LARP4B: variants seen among roughly 807,000 people sequenced by gnomAD.
LARP4B encodes La ribonucleoprotein 4B.
Under a neutral mutation model 89.8 loss-of-function variants are expected in LARP4B, and 12 were observed. The ratio of observed to expected loss-of-function variants is 0.13; its 90% CI spans 0.09 to 0.22. LARP4B has a LOEUF of 0.22. Among genes scored for constraint, LARP4B ranks in the 10% least tolerant of loss-of-function variants. The pLI is 1.00. For synonymous variants in LARP4B, 367 were observed against 363.3 expected, an observed-to-expected ratio of 1.01 and a Z score of -0.12; for missense variants, 757 against 947.7, an observed-to-expected ratio of 0.80 and a Z score of 2.64.
the LARP4B span, among the ~76,000 whole-genome samples, chr10:960,273 T>C: frequency 1.3e-5 from 2 of 152,176 alleles, no homozygotes; most frequent in East Asian, 3.9e-4. Context: ...AGAGGATTAC[T>C]AGGCCAGTAA....
At chr10:928,748 T>G (rs1837222748) in intron 1 of LARP4B, among the ~76,000 whole-genome samples, 1 of 152,120 alleles carries the variant, frequency 6.6e-6, no homozygotes, top group Non-Finnish European at 1.5e-5. Context: ...GCCTGGCTAA[T>G]TTTTTGATTT....
chr10:847,190 G>C (rs527276938), intron 5 of LARP4B, among the ~76,000 whole-genome samples: 1 of 152,140 alleles, frequency 6.6e-6, no homozygotes, highest in Non-Finnish European at 1.5e-5. Flanking sequence ...TGGGCTGCCC[G>C]GGGTGGCTTC....
chr10:842,869 T>C (rs758276995), intron 7 of LARP4B, 63 bp downstream of exon 7: 12 of 1,485,668 alleles, frequency 8.1e-6, no homozygotes, highest in Non-Finnish European at 1.1e-5. Context: ...ATTTAAAGGT[T>C]CATGCTGATA....
the LARP4B span, among the ~76,000 whole-genome samples, chr10:948,677 C>T: frequency 6.6e-6 from 1 of 152,260 alleles, no homozygotes; most frequent in African/African-American, 2.4e-5. Flanking sequence ...ATCCCTGCCT[C>T]CTTCTCAGCC....
intron 5 of LARP4B, among the ~76,000 whole-genome samples, chr10:859,214 C>T (rs1048320821): frequency 2.7e-5 from 4 of 149,710 alleles, no homozygotes; most frequent in Admixed American, 6.7e-5. Context: ...GGGAGGTGGA[C>T]GTTGTAGTGA....
At chr10:970,028 G>A in the LARP4B span, among the ~76,000 whole-genome samples, 2 of 152,184 alleles carry the variant, frequency 1.3e-5, no homozygotes, top group Non-Finnish European at 2.9e-5. Flanking sequence ...CACAACTCCG[G>A]TGACCTCTTT....
rs1015706867 is a variant in LARP4B at position 882,119 on chromosome 10, T to A, written c.141+2328A>T. On this transcript the variant is annotated intron_variant, in intron 3 of 17. Coordinates refer to ENST00000316157, the MANE Select transcript of LARP4B (RefSeq NM_015155.3). The stretch of plus-strand genomic sequence containing the variant: ...AGTGGGCCTGGGGGTGGGCTGGGGG[T>A]TTAATGGGGTAATGTAAAAGTTCTA... 4.6e-5 allele frequency among the ~76,000 whole-genome samples: 7 copies of A among 151,730 alleles called. 1 individual carries two copies. Among genetic ancestry groups the A allele is most frequent in the Admixed American group, 4.6e-4 (7 of 15,220 alleles).
At chr10:953,689 C>G in the LARP4B span, among the ~76,000 whole-genome samples, 1 of 152,214 alleles carries the variant, frequency 6.6e-6, no homozygotes. Context: ...AGCCCAGAAC[C>G]AAGTGCATAA....
At chr10:884,294 G>T (rs1301031557) in intron 3 of LARP4B, among the ~76,000 whole-genome samples, 153 bp downstream of exon 3, 2 of 152,172 alleles carry the variant, frequency 1.3e-5, no homozygotes, top group Admixed American at 6.5e-5. Flanking sequence ...ACCATACCCA[G>T]GGGTTGTGGT....
intron 1 of LARP4B, among the ~76,000 whole-genome samples, chr10:912,479 C>G (rs772807742): frequency 6.6e-6 from 1 of 152,068 alleles, no homozygotes; most frequent in Non-Finnish European, 1.5e-5. Context: ...GCCCTAGAAA[C>G]TGCAAATGTT....
the LARP4B span, among the ~76,000 whole-genome samples, chr10:938,573 G>A: frequency 5.9e-5 from 9 of 152,138 alleles, no homozygotes; most frequent in African/African-American, 2.2e-4. Flanking sequence ...ATTGTTTTAT[G>A]GCTGTGTAAG....
the LARP4B span, among the ~76,000 whole-genome samples, chr10:944,264 C>CTAGTAAGACAATTGCATTCAAGGCCTG: frequency 6.6e-6 from 1 of 152,128 alleles, no homozygotes; most frequent in Non-Finnish European, 1.5e-5. Context: ...CCAAATATTC[C>CTAGTAAGACAATTGCATTCAAGGCCTG]TAGTAAGACA....
chr10:917,440 G>C (rs1362983177), intron 1 of LARP4B, among the ~76,000 whole-genome samples: 1 of 152,158 alleles, frequency 6.6e-6, no homozygotes, highest in African/African-American at 2.4e-5. Flanking sequence ...ACACAATTAA[G>C]ACACTGGTTA....
upstream of LARP4B, among the ~76,000 whole-genome samples, chr10:931,958 A>C (rs1039661691): frequency 6.3e-5 from 9 of 143,118 alleles, no homozygotes; most frequent in African/African-American, 2.4e-4. Flanking sequence ...CGCCCCGCGC[A>C]CGCCGCACGT....
At chr10:901,382 A>C (rs962471342) in intron 1 of LARP4B, among the ~76,000 whole-genome samples, 1 of 152,180 alleles carries the variant, frequency 6.6e-6, no homozygotes, top group African/African-American at 2.4e-5. Context: ...ACCACTCTGT[A>C]ATATTTGAAA....
intron 3 of LARP4B, among the ~76,000 whole-genome samples, chr10:883,839 G>A (rs1463720951): frequency 6.6e-6 from 1 of 151,396 alleles, no homozygotes; most frequent in Non-Finnish European, 1.5e-5. Context: ...TTATAATGGG[G>A]GGGGAATAGA....
chr10:826,906 T>C (rs1163283732), intron 11 of LARP4B, among the ~76,000 whole-genome samples: 1 of 152,228 alleles, frequency 6.6e-6, no homozygotes. Context: ...AATAAAATCA[T>C]ACAAAAGGGA....
chr10:987,225 A>G, the LARP4B span: 6 of 152,268 alleles, frequency 3.9e-5, no homozygotes, highest in African/African-American at 1.4e-4. Flanking sequence ...GAAGTGCCAC[A>G]AAGATGTAGG....
intron 1 of LARP4B, among the ~76,000 whole-genome samples, chr10:926,695 A>G (rs144895531): frequency 1.8e-4 from 27 of 152,356 alleles, no homozygotes; most frequent in African/African-American, 6.0e-4. Context: ...TCTCATCTCT[A>G]TGATTATCAT....
Sources: allele counts gnomAD v4.1 joint callset (sites outside exome capture counted in the v4.1 genomes callset), GRCh38; gene constraint gnomAD v4.1.1; transcripts MANE v1.5; gene names NCBI Gene and HGNC (gene_info 2026-07-23, HGNC 2026-07-21).